The following DOCK1 variants were observed in gnomAD, a reference collection of about 807,000 sequenced individuals.
DOCK1 encodes the protein dedicator of cytokinesis 1, also known as dedicator of cytokinesis protein 1.
Under a neutral mutation model 262.7 loss-of-function variants are expected in DOCK1, and 138 were observed. The observed-to-expected ratio is 0.53, with a 90% CI of 0.46 to 0.61. The LOEUF is 0.61. Ranked by LOEUF, DOCK1 falls within the 20% of genes least tolerant of loss-of-function variation. The pLI is 0.00. For missense variants in DOCK1, 1,908 were observed against 2,370.7 expected (o/e 0.80, Z 4.05); for synonymous variants, 866 against 867.4 (o/e 1.00, Z 0.03).
Position 127,446,933 on chromosome 10 carries a change from C to T in DOCK1, c.5414-461C>T, listed in dbSNP as rs985606312. 4.6e-5 allele frequency among the ~76,000 whole-genome samples: 7 copies of T among 152,110 alleles called. No homozygotes were observed. Among genetic ancestry groups the T allele is most frequent in the East Asian group, 1.9e-4 (1 of 5,192 alleles). On this transcript the variant is annotated intron_variant, in intron 50 of 51. Transcript: ENST00000623213. The surrounding 1 kb of genome is among the most constrained non-coding windows in gnomAD (Gnocchi z 4.4). ...AGAGATGGGAAGCTGGGTGGCTGGT[C>T]GGCGTGTTAGACTTTGCTTAGTGAA...
intron 4 of DOCK1, 78 bp from the exon 5 acceptor site, chr10:126,987,443 A>G: frequency 4.2e-6 from 5 of 1,184,514 alleles, no homozygotes; most frequent in Non-Finnish European, 6.0e-6. Context: ...TATGGCCTAG[A>G]TGTGAAATTT....
chr10:127,047,073 G>A (rs1215005274), intron 21 of DOCK1, among the ~76,000 whole-genome samples: 3 of 152,184 alleles, frequency 2.0e-5, no homozygotes, highest in African/African-American at 7.2e-5. Context: ...CTGGCTGCAC[G>A]CATGGTGCTA....
chr10:127,053,413 T>G (rs1415151647), intron 22 of DOCK1, among the ~76,000 whole-genome samples: 1 of 152,196 alleles, frequency 6.6e-6, no homozygotes, highest in African/African-American at 2.4e-5. Context: ...TTGGGCAGAC[T>G]CTGGGATTTC....
At chr10:126,939,390 T>C (rs878892976) in intron 1 of DOCK1, among the ~76,000 whole-genome samples, 49,287 of 152,104 alleles carry the variant, frequency 0.32, 8,071 homozygotes, top group East Asian at 0.38. Context: ...TTGTTCTTTT[T>C]CAAGATTGTT....
intron 1 of DOCK1, among the ~76,000 whole-genome samples, chr10:126,965,053 C>T (rs1364639780): frequency 6.6e-6 from 1 of 152,176 alleles, no homozygotes; most frequent in Non-Finnish European, 1.5e-5. Context: ...AAATATTTAC[C>T]TCCCTCAAGG....
intron 27 of DOCK1, among the ~76,000 whole-genome samples, chr10:127,180,435 A>G (rs898188857): frequency 6.6e-6 from 1 of 152,184 alleles, no homozygotes; most frequent in Non-Finnish European, 1.5e-5. Context: ...TGTGTTTTAG[A>G]ATTCATTGGA....
intron 1 of DOCK1, among the ~76,000 whole-genome samples, chr10:126,905,836 C>T (rs1242425785): frequency 6.6e-6 from 1 of 151,972 alleles, no homozygotes; most frequent in African/African-American, 2.4e-5. Context: ...CTAGGGTGTC[C>T]CCTCCGACGC....
chr10:127,040,132 C>T (rs1273449399), intron 19 of DOCK1, among the ~76,000 whole-genome samples: 2 of 152,330 alleles, frequency 1.3e-5, no homozygotes, highest in East Asian at 1.9e-4. Context: ...CCAGGTCCTG[C>T]CACCTGGGAG....
At chr10:127,330,877 T>C (rs545511515) in intron 29 of DOCK1, among the ~76,000 whole-genome samples, 14 of 152,318 alleles carry the variant, frequency 9.2e-5, no homozygotes, top group African/African-American at 3.4e-4. Flanking sequence ...TTCAAAAAAA[T>C]ACCAGCATTA....
Position 127,068,846 on chromosome 10 carries a change from T to C in DOCK1, c.2445+7070T>C, listed in dbSNP as rs1167035966. On this transcript the variant is annotated intron_variant, in intron 23 of 51. Transcript: ENST00000623213. ...ACAGTGTTGCATTTTTCTGTATATA[T>C]CTACCTGTGTCCTTCAGTATTTTTC... 2.0e-5 allele frequency among the ~76,000 whole-genome samples: 3 copies of C among 152,234 alleles called. No individual in the cohort carries two copies. The East Asian group carries it at 5.8e-4, about 29-fold the overall frequency.
chr10:127,048,045 G>C (rs990533452), intron 21 of DOCK1, among the ~76,000 whole-genome samples: 2 of 152,146 alleles, frequency 1.3e-5, no homozygotes, highest in South Asian at 4.1e-4. Flanking sequence ...TAGAATTGCC[G>C]GGCTAAAGGA....
intron 1 of DOCK1, among the ~76,000 whole-genome samples, chr10:126,918,783 A>G (rs1254209536): frequency 6.6e-6 from 1 of 152,184 alleles, no homozygotes; most frequent in African/African-American, 2.4e-5. Flanking sequence ...ACTGTTACTA[A>G]TGATACTGTG....
chr10:126,938,342 C>T lies in DOCK1; in HGVS notation c.47-32360C>T, dbSNP rs1053974975. 7.3e-3 allele frequency among the ~76,000 whole-genome samples: 1,111 copies of T among 152,314 alleles called. 16 individuals carry two copies. Among genetic ancestry groups the T allele is most frequent in the African/African-American group, 0.025 (1,031 of 41,572 alleles). Reference sequence around the variant, plus strand: ...GGATTACAGGCAAGAGCCACTGCGCCCGGCCTGGCTTCATTTTTTTGCTTG... The same window carrying T: ...GGATTACAGGCAAGAGCCACTGCGCTCGGCCTGGCTTCATTTTTTTGCTTG... On this transcript the variant is annotated intron_variant, in intron 1 of 51. Transcript: ENST00000623213.
chr10:127,152,901 G>A (rs1394446321), intron 27 of DOCK1, among the ~76,000 whole-genome samples: 1 of 152,170 alleles, frequency 6.6e-6, no homozygotes, highest in Non-Finnish European at 1.5e-5. Flanking sequence ...TGCTCTGTCT[G>A]GATCGGAGGC....
chr10:127,065,493 C>T (rs532386568), intron 23 of DOCK1, among the ~76,000 whole-genome samples: 2 of 152,166 alleles, frequency 1.3e-5, no homozygotes, highest in African/African-American at 2.4e-5. Flanking sequence ...GTGGTTCATG[C>T]TGCTGGGAAC....
In DOCK1 at chr10:127,450,550, G is replaced by A. The variant is rs1034055915; in HGVS notation, c.5566-782G>A. 6.6e-5 allele frequency among the ~76,000 whole-genome samples: 10 copies of A among 151,724 alleles called. No homozygotes were observed. In the South Asian group the frequency reaches 1.3e-3, roughly 19 times the overall value. ...CACTCATTCATCCATTTTTCTATTC[G>A]ATTGACCCATATTTCTAGAGAGTCT... On this transcript the variant is annotated intron_variant, in intron 51 of 51. Transcript: ENST00000623213.
chr10:127,212,029 G>A (rs1163949477), intron 27 of DOCK1, among the ~76,000 whole-genome samples: 1 of 152,054 alleles, frequency 6.6e-6, no homozygotes, highest in Non-Finnish European at 1.5e-5. Flanking sequence ...CTTCTTGAAG[G>A]ACTTGATGCT....
rs2054964222 is a variant in DOCK1, at chr10:127,175,131, C to T, written c.2847+47367C>T. 2 of 1,237,624 alleles carry T rather than the reference C, an allele frequency of 1.6e-6. No individual in the cohort carries two copies. The highest frequency in any genetic ancestry group is 2.8e-5 in the South Asian group (2 of 70,668). The allele number at this position is 1,237,624 out of a possible 1,614,324, so 76.7% of individuals were successfully genotyped here. ...GGAAATGCTGGCTTTAGTCTCATTA[C>T]AGACTTGGGTTTGGGGCTACAGATG... On this transcript the variant is annotated intron_variant, in intron 27 of 51. Coordinates refer to ENST00000623213, the MANE Select transcript of DOCK1 (RefSeq NM_001290223.2). The surrounding 1 kb of genome is among the most constrained non-coding windows in gnomAD (Gnocchi z 6.3).
chr10:127,255,127 C>T (rs2059786025), intron 28 of DOCK1, among the ~76,000 whole-genome samples: 1 of 152,180 alleles, frequency 6.6e-6, no homozygotes, highest in African/African-American at 2.4e-5. Flanking sequence ...CAGCCGGGCA[C>T]AGTGGCTTAC....
Sources: allele counts gnomAD v4.1 joint callset (sites outside exome capture counted in the v4.1 genomes callset), GRCh38; gene constraint gnomAD v4.1.1; non-coding constraint Gnocchi (gnomAD v3.1); transcripts MANE v1.5; gene names NCBI Gene and HGNC (gene_info 2026-07-23, HGNC 2026-07-21).